The following SND1 variants were observed in gnomAD, a reference collection of about 807,000 sequenced individuals.
SND1 encodes the protein staphylococcal nuclease domain-containing protein 1.
Under a neutral mutation model 121.7 loss-of-function variants are expected in SND1, and 38 were observed. The ratio of observed to expected loss-of-function variants is 0.31; its 90% CI spans 0.24 to 0.41. SND1 has a LOEUF of 0.41. Ranked by LOEUF, SND1 falls within the 10% of genes least tolerant of loss-of-function variation. The pLI is 1.00. For synonymous variants in SND1, 401 were observed against 447.4 expected (o/e 0.90, Z 1.31); for missense variants, 868 against 1,184.6 (o/e 0.73, Z 3.92).
In SND1 at chr7:127,707,655, A is replaced by G. The variant is rs1796224111; in HGVS notation, c.1038+8A>G. 2.5e-6 allele frequency: 4 copies of G among 1,610,368 alleles called. No individual in the cohort carries two copies. Among genetic ancestry groups the G allele is most frequent in the East Asian group, 2.2e-5 (1 of 44,868 alleles). On this transcript the variant is annotated splice_region_variant and intron_variant, in intron 9 of 23. Transcript: ENST00000354725. ...AAGCAGTTTGTTGCCAAGGTGAGTC[A>G]TTCTCAGCATCTTGATATGCATAGT...
At chr7:127,794,520 AG>A (rs1470480976) in intron 10 of SND1, among the ~76,000 whole-genome samples, 1 of 152,264 alleles carries the variant, frequency 6.6e-6, no homozygotes, top group African/African-American at 2.4e-5. Flanking sequence ...GAAGAAAGGA[AG>A]ACATACACAA....
chr7:128,077,386 G>A (rs186222901), intron 17 of SND1, among the ~76,000 whole-genome samples: 94 of 152,330 alleles, frequency 6.2e-4, no homozygotes, highest in African/African-American at 2.2e-3. Context: ...CCTGGTCTGT[G>A]CCTGGCTTGA....
intron 15 of SND1, among the ~76,000 whole-genome samples, chr7:127,954,639 G>A (rs1030630058): frequency 2.0e-5 from 3 of 152,116 alleles, no homozygotes; most frequent in South Asian, 2.1e-4. Context: ...ATTTCTTACA[G>A]ATTAATTGCC....
intron 15 of SND1, among the ~76,000 whole-genome samples, chr7:127,950,654 C>T (rs1430447055): frequency 6.6e-6 from 1 of 152,152 alleles, no homozygotes; most frequent in African/African-American, 2.4e-5. Context: ...TCCCTCCTGC[C>T]CAGATTCGCC....
At chr7:127,711,696 A>T (rs2116364949) in intron 9 of SND1, among the ~76,000 whole-genome samples, 1 of 150,880 alleles carries the variant, frequency 6.6e-6, no homozygotes, top group Non-Finnish European at 1.5e-5. Flanking sequence ...TTTTTCTAGA[A>T]CTCCTATTAT....
In SND1 at chr7:128,019,577, C is replaced by T. The variant is rs1308676316; in HGVS notation, c.1779+28521C>T. Among the ~76,000 whole-genome samples the T allele has an allele frequency of 3.9e-5, 6 of 152,338 alleles. No individual in the cohort carries two copies. In the East Asian group the frequency reaches 1.2e-3, roughly 29 times the overall value. ...CTCTTTATTTTCTCTGCATTCCTCA[C>T]CTCCCATTGCTTCCCAGCTTTGAAG... On this transcript the variant is annotated intron_variant, in intron 16 of 23. Transcript: ENST00000354725.
intron 11 of SND1, among the ~76,000 whole-genome samples, chr7:127,813,363 T>C (rs1179168508): frequency 6.6e-6 from 1 of 152,170 alleles, no homozygotes; most frequent in African/African-American, 2.4e-5. Context: ...TGGAGTTGCC[T>C]GTTTCTGGAA....
At chr7:127,973,097 A>T (rs1802037091) in intron 15 of SND1, among the ~76,000 whole-genome samples, 1 of 152,158 alleles carries the variant, frequency 6.6e-6, no homozygotes, top group East Asian at 1.9e-4. Context: ...CAGAGTGGGA[A>T]TGAAGAGGAA....
intron 12 of SND1, chr7:127,858,098 C>A: frequency 1.1e-6 from 1 of 923,820 alleles, no homozygotes; most frequent in Non-Finnish European, 1.8e-6. Flanking sequence ...GTCTCCAGTT[C>A]CCCCTCTGCC....
chr7:127,718,483 C>G, intron 9 of SND1: 1 of 695,602 alleles, frequency 1.4e-6, no homozygotes, highest in Non-Finnish European at 1.8e-6. Flanking sequence ...CTTATACACA[C>G]ACGCGGACAC....
intron 15 of SND1, among the ~76,000 whole-genome samples, chr7:127,953,696 T>A (rs545897374): frequency 1.3e-5 from 2 of 152,360 alleles, no homozygotes; most frequent in Admixed American, 1.3e-4. Context: ...GGAGAAATGT[T>A]TTTCCTCGTT....
In SND1 at chr7:127,994,549, C is replaced by CAAA. The variant is rs563548702; in HGVS notation, c.1779+3527_1779+3529dup. Among the ~76,000 whole-genome samples, 48 of 46,238 alleles carry CAAA rather than the reference C, an allele frequency of 1.0e-3. 5 individuals carry two copies. The highest frequency in any genetic ancestry group is 1.4e-3 in the Non-Finnish European group (38 of 26,586). 30.3% of individuals were successfully genotyped at this position (46,238 alleles called of 152,430 possible). A position where few individuals can be genotyped will look rare whatever the true frequency, so the allele number is the denominator to read the frequency against. ...CTCTCAAATGACGATCACTTTTACTCAAAAAAAAAAAAAAAAAAAAAAAAA... is the reference window on the plus strand; with the variant it reads ...CTCTCAAATGACGATCACTTTTACTCAAAAAAAAAAAAAAAAAAAAAAAAAAAA... On this transcript the variant is annotated intron_variant, in intron 16 of 23. Transcript: ENST00000354725.
rs1195126721 is a variant in SND1, at chr7:128,015,102, G to A, written c.1779+24046G>A. Among the ~76,000 whole-genome samples, 2 of 152,150 alleles carry A rather than the reference G, an allele frequency of 1.3e-5. No homozygotes were observed. The highest frequency in any genetic ancestry group is 2.1e-4 in the South Asian group (1 of 4,822). Reference sequence around the variant, plus strand: ...CATCAGCAGCTGCACCTCCTCCCTCGCGCCTTCTGTCTGAGCCAACCTTGA... The same window carrying A: ...CATCAGCAGCTGCACCTCCTCCCTCACGCCTTCTGTCTGAGCCAACCTTGA... On this transcript the variant is annotated intron_variant, in intron 16 of 23. Transcript: ENST00000354725. The surrounding 1 kb of genome is among the most constrained non-coding windows in gnomAD (Gnocchi z 4.5).
At chr7:127,798,419 C>G (rs1798065434) in intron 10 of SND1, among the ~76,000 whole-genome samples, 1 of 152,164 alleles carries the variant, frequency 6.6e-6, no homozygotes, top group Admixed American at 6.5e-5. Flanking sequence ...GGTTTGCTGT[C>G]TTAGATTCTC....
intron 16 of SND1, among the ~76,000 whole-genome samples, chr7:128,054,721 A>C (rs975038334): frequency 1.3e-5 from 2 of 152,086 alleles, no homozygotes; most frequent in Admixed American, 6.5e-5. Flanking sequence ...TTCTCCCCAC[A>C]CATGAGGCAC....
chr7:127,889,531 C>G (rs1224835790), intron 13 of SND1, among the ~76,000 whole-genome samples: 2 of 151,962 alleles, frequency 1.3e-5, no homozygotes, highest in Non-Finnish European at 2.9e-5. Context: ...TAGTTATACT[C>G]TTTTAGTTAT....
intron 16 of SND1, among the ~76,000 whole-genome samples, chr7:128,033,015 C>G (rs1024696872): frequency 1.3e-5 from 2 of 152,194 alleles, no homozygotes; most frequent in Non-Finnish European, 2.9e-5. Context: ...GCCGCGGCTT[C>G]TCAGTCTTCG....
chr7:127,856,727 AG>A (rs1486444125), intron 12 of SND1, among the ~76,000 whole-genome samples: 3 of 152,216 alleles, frequency 2.0e-5, no homozygotes, highest in Non-Finnish European at 4.4e-5. Context: ...GTGGTTTATA[AG>A]CCATCACGCA....
At chr7:127,832,092 T>G (rs1798751951) in intron 11 of SND1, among the ~76,000 whole-genome samples, 1 of 152,218 alleles carries the variant, frequency 6.6e-6, no homozygotes, top group Non-Finnish European at 1.5e-5. Flanking sequence ...CTACATCATA[T>G]TTATTCAGTA....
Sources: gnomAD v4.1 joint callset for allele counts (sites outside exome capture counted in the v4.1 genomes callset) on GRCh38, gnomAD v4.1.1 for gene constraint, Gnocchi (gnomAD v3.1) non-coding constraint, MANE v1.5 for transcripts, NCBI Gene and HGNC (gene_info 2026-07-23, HGNC 2026-07-21) for gene names.